Variants in IQUB observed in about 807,000 individuals in gnomAD.
The protein encoded by IQUB is IQ motif and ubiquitin-like domain-containing protein.
Under a neutral mutation model 86.4 loss-of-function variants are expected in IQUB, and 86 were observed. The ratio of observed to expected loss-of-function variants is 1.00; its 90% confidence interval spans 0.84 to 1.19. IQUB has a LOEUF of 1.19. IQUB is among the 50% of genes most tolerant of loss of function. The probability of loss-of-function intolerance (pLI) is 0.00; values close to 1 mark genes in which losing one functional copy is unlikely to be tolerated. For synonymous variants in IQUB, 289 were observed against 304.5 expected, an observed-to-expected ratio of 0.95 and a Z score of 0.53; for missense variants, 946 against 916.9, an observed-to-expected ratio of 1.03 and a Z score of -0.41.
At chr7:123,527,157 C>T (rs1209134164) in intron 1 of IQUB, among the ~76,000 whole-genome samples, 1 of 152,148 alleles carries the variant, frequency 6.6e-6, no homozygotes, top group Non-Finnish European at 1.5e-5. Context: ...CCTTGGTTTT[C>T]AGCTCCATCA....
chr7:123,518,359 GA>G (rs1276921167), intron 1 of IQUB, among the ~76,000 whole-genome samples: 1 of 152,062 alleles, frequency 6.6e-6, no homozygotes, highest in African/African-American at 2.4e-5. Flanking sequence ...ACAGCAGCCA[GA>G]AAAATATTTT....
intron 1 of IQUB, among the ~76,000 whole-genome samples, chr7:123,519,539 G>C (rs574136201): frequency 6.6e-6 from 1 of 152,262 alleles, no homozygotes; most frequent in African/African-American, 2.4e-5. Context: ...AGTAAAATAA[G>C]CAAGGCACAG....
chr7:123,473,020 G>A (rs977255416), intron 8 of IQUB, among the ~76,000 whole-genome samples: 2 of 152,156 alleles, frequency 1.3e-5, no homozygotes, highest in African/African-American at 4.8e-5. Context: ...GGAAAGGAAG[G>A]TGGAGAAATA....
At chr7:123,509,670 A>G (rs1434067772) in intron 3 of IQUB, among the ~76,000 whole-genome samples, 1 of 152,210 alleles carries the variant, frequency 6.6e-6, no homozygotes, top group African/African-American at 2.4e-5. Context: ...TAATCTGTAA[A>G]CAATTTCAGA....
intron 1 of IQUB, among the ~76,000 whole-genome samples, chr7:123,529,723 T>TGAAAAA (rs1797428676): frequency 4.3e-5 from 1 of 23,200 alleles, no homozygotes; most frequent in South Asian, 1.0e-3. Context: ...CTGTCTCTAC[T>TGAAAAA]TAAAAAAAAA....
At chr7:123,515,595 A>G (rs1796603395) in intron 1 of IQUB, among the ~76,000 whole-genome samples, 1 of 152,214 alleles carries the variant, frequency 6.6e-6, no homozygotes, top group Admixed American at 6.5e-5. Flanking sequence ...GGGCCTAGGT[A>G]CATCATTTGC....
At chr7:123,492,142 C>T (rs1795500770) in intron 7 of IQUB, among the ~76,000 whole-genome samples, 1 of 152,152 alleles carries the variant, frequency 6.6e-6, no homozygotes, top group Admixed American at 6.5e-5. Flanking sequence ...CTGCTGGTGC[C>T]CTTGGAGTTC....
chr7:123,521,239 T>C (rs1236998630), intron 1 of IQUB, among the ~76,000 whole-genome samples: 4 of 152,168 alleles, frequency 2.6e-5, no homozygotes, highest in Non-Finnish European at 4.4e-5. Context: ...TCAATGTGTC[T>C]GCCTCCATTT....
At chr7:123,467,377 C>T (rs10238722) in intron 9 of IQUB, among the ~76,000 whole-genome samples, 7,183 of 152,022 alleles carry the variant, frequency 0.047, 539 homozygotes, top group African/African-American at 0.16. Flanking sequence ...AGCTTCTCTC[C>T]GACAATTCCC....
intron 9 of IQUB, among the ~76,000 whole-genome samples, chr7:123,468,502 C>A (rs1390402257): frequency 6.6e-6 from 1 of 151,762 alleles, no homozygotes; most frequent in African/African-American, 2.4e-5. Context: ...AGAAAGTTAT[C>A]TCATCCAAAG....
At chr7:123,485,734 C>G (rs891943770) in intron 7 of IQUB, among the ~76,000 whole-genome samples, 53 of 152,126 alleles carry the variant, frequency 3.5e-4, no homozygotes, top group African/African-American at 1.2e-3. Flanking sequence ...CTACCATTGG[C>G]AGTTTTGATG....
intron 7 of IQUB, among the ~76,000 whole-genome samples, chr7:123,480,944 C>G (rs1002457473): frequency 1.3e-5 from 2 of 152,064 alleles, no homozygotes; most frequent in Non-Finnish European, 2.9e-5. Flanking sequence ...TAGATACATG[C>G]ATTTTACCAA....
At chr7:123,504,521 C>T (rs1185953287) in intron 3 of IQUB, among the ~76,000 whole-genome samples, 2 of 152,070 alleles carry the variant, frequency 1.3e-5, no homozygotes, top group East Asian at 1.9e-4. Context: ...CTGGGGAGGC[C>T]TCAGGAAAAT....
intron 11 of IQUB, 152 bp downstream of exon 11, chr7:123,461,205 A>G: frequency 1.3e-6 from 1 of 758,916 alleles, no homozygotes; most frequent in Middle Eastern, 3.3e-4. Context: ...GCAGGAGGGA[A>G]AAAAAGCATA....
chr7:123,511,814 T>G, intron 2 of IQUB, 130 bp downstream of exon 2: 1 of 627,658 alleles, frequency 1.6e-6, no homozygotes, highest in Non-Finnish European at 2.6e-6. Flanking sequence ...CTCTGGAAGT[T>G]TGGTGGATAA....
intron 6 of IQUB, chr7:123,501,840 T>C (rs1324742238): frequency 1.3e-5 from 2 of 152,180 alleles, no homozygotes; most frequent in Admixed American, 1.3e-4. Flanking sequence ...CCCCAAATTA[T>C]ATAATAACTC....
intron 12 of IQUB, among the ~76,000 whole-genome samples, chr7:123,454,698 T>C (rs544095676): frequency 6.6e-6 from 1 of 152,246 alleles, no homozygotes; most frequent in Admixed American, 6.5e-5. Flanking sequence ...AGGTCCCATA[T>C]ACCCCACACC....
chr7:123,531,692 G>C (rs2117404096), intron 1 of IQUB, among the ~76,000 whole-genome samples: 1 of 152,302 alleles, frequency 6.6e-6, no homozygotes, highest in East Asian at 1.9e-4. Flanking sequence ...TGATAAAAAT[G>C]TATTAACCTG....
In IQUB at chr7:123,471,785, C is replaced by T. The variant is rs565539932; in HGVS notation, c.1411-2401G>A. Among the ~76,000 whole-genome samples, 6 of 152,218 alleles carry T rather than the reference C, an allele frequency of 3.9e-5. No individual in the cohort carries two copies. The South Asian group carries it at 1.2e-3, about 32-fold the overall frequency. ...TTCCTCTAACTACTATAGTTTGAAA[C>T]AATTATATCACTTGTATGTGAAATC... On this transcript the variant is annotated intron_variant, in intron 8 of 12. Coordinates refer to ENST00000324698, the MANE Select transcript of IQUB (RefSeq NM_178827.5).
Sources: gnomAD v4.1 joint callset for allele counts (sites outside exome capture counted in the v4.1 genomes callset) on GRCh38, gnomAD v4.1.1 for gene constraint, MANE v1.5 for transcripts, NCBI Gene and HGNC (gene_info 2026-07-23, HGNC 2026-07-21) for gene names.